The following ST3GAL1 variants were observed in gnomAD, a reference collection of about 807,000 sequenced individuals.
ST3GAL1 encodes the protein CMP-N-acetylneuraminate-beta-galactosamide-alpha-2,3-sialyltransferase 1.
ST3GAL1 carries 16 observed loss-of-function variants against 34.1 expected under a neutral mutation model. The observed-to-expected ratio is 0.47, with a 90% CI of 0.32 to 0.71. The LOEUF (loss-of-function observed/expected upper bound fraction) is 0.71. Ranked by LOEUF, ST3GAL1 falls within the 30% of genes least tolerant of loss-of-function variation. ST3GAL1 has a pLI of 0.04. For missense variants in ST3GAL1, 353 were observed against 447.4 expected, an observed-to-expected ratio of 0.79 and a Z score of 1.90; for synonymous variants, 191 against 184.7, an observed-to-expected ratio of 1.03 and a Z score of -0.28.
At chr8:133,524,174 G>C (rs751176988) in intron 2 of ST3GAL1, among the ~76,000 whole-genome samples, 1 of 152,142 alleles carries the variant, frequency 6.6e-6, no homozygotes, top group Non-Finnish European at 1.5e-5. Flanking sequence ...GCAAAGCCTG[G>C]AACAATAATT....
intron 5 of ST3GAL1, among the ~76,000 whole-genome samples, chr8:133,474,708 T>G (rs942230709): frequency 6.6e-6 from 1 of 152,108 alleles, no homozygotes; most frequent in African/African-American, 2.4e-5. Flanking sequence ...ACACCTGCAG[T>G]GCATGGTCCT....
chr8:133,546,546 T>C (rs1427655039), intron 1 of ST3GAL1, among the ~76,000 whole-genome samples: 1 of 150,444 alleles, frequency 6.6e-6, no homozygotes, highest in Non-Finnish European at 1.5e-5. Context: ...CAGGAGATGA[T>C]ATTTTTAGCT....
rs962784082 is a variant in ST3GAL1, at chr8:133,470,350, C to A, written c.307-4260G>T. Among the ~76,000 whole-genome samples the A allele has an allele frequency of 3.3e-5, 5 of 150,758 alleles. No homozygotes were observed. The East Asian group carries it at 9.8e-4, about 29-fold the overall frequency. ...AGGAGAATCACTTGAACCCAGGAGG[C>A]GGAGGTTGTGGTGAGCCGAGATCAC... is the stretch of plus-strand genomic sequence containing the variant. On this transcript the variant is annotated intron_variant, in intron 5 of 9. Coordinates refer to ENST00000522652, the MANE Select transcript of ST3GAL1 (RefSeq NM_173344.3).
At chr8:133,559,025 G>A (rs529547789) in intron 1 of ST3GAL1, among the ~76,000 whole-genome samples, 1 of 124,102 alleles carries the variant, frequency 8.1e-6, no homozygotes, top group African/African-American at 3.4e-5. Flanking sequence ...CAGGGCGATA[G>A]AGTGTGGTTT....
chr8:133,487,074 G>T (rs1816630510), intron 3 of ST3GAL1, among the ~76,000 whole-genome samples: 1 of 152,156 alleles, frequency 6.6e-6, no homozygotes, highest in Non-Finnish European at 1.5e-5. Context: ...CTCTCGAGTA[G>T]CTGGGACTAC....
chr8:133,557,948 C>T (rs1222828662), intron 1 of ST3GAL1, among the ~76,000 whole-genome samples: 1 of 152,076 alleles, frequency 6.6e-6, no homozygotes, highest in Non-Finnish European at 1.5e-5. Flanking sequence ...TGAGGTCCCC[C>T]TCATGGCTAA....
chr8:133,479,405 A>G (rs1334450256), intron 3 of ST3GAL1, among the ~76,000 whole-genome samples: 2 of 152,172 alleles, frequency 1.3e-5, no homozygotes, highest in Non-Finnish European at 2.9e-5. Flanking sequence ...GCCACAGTCA[A>G]GACTAAGTTT....
rs2130927768 is a variant in ST3GAL1, at chr8:133,467,690, C to T, written c.307-1600G>A. 6.6e-6 allele frequency among the ~76,000 whole-genome samples: 1 copy of T among 152,268 alleles called. No individual in the cohort carries two copies. The highest frequency in any genetic ancestry group is 2.4e-5 in the African/African-American group (1 of 41,558). On this transcript the variant is annotated intron_variant, in intron 5 of 9. Transcript: ENST00000522652. The surrounding 1 kb of genome is among the most constrained non-coding windows in gnomAD (Gnocchi z 4.2). ...TCCGGGCCCCAGGGGCAAGGGGTGGCTGGGAGAGGAAGGAGTGGCCAGCAG... is the reference window on the plus strand; with the variant it reads ...TCCGGGCCCCAGGGGCAAGGGGTGGTTGGGAGAGGAAGGAGTGGCCAGCAG...
chr8:133,470,819 C>T (rs1046055822), intron 5 of ST3GAL1, among the ~76,000 whole-genome samples: 6 of 152,122 alleles, frequency 3.9e-5, no homozygotes, highest in African/African-American at 7.2e-5. Flanking sequence ...GGCCCGAGAG[C>T]GGACATCTCC....
intron 1 of ST3GAL1, among the ~76,000 whole-genome samples, chr8:133,551,147 T>G (rs1192024182): frequency 1.3e-5 from 2 of 152,162 alleles, no homozygotes; most frequent in Non-Finnish European, 2.9e-5. Flanking sequence ...GGTGTGCCCC[T>G]AGGGGACACT....
Position 133,461,760 on chromosome 8 carries a change from G to T in ST3GAL1, c.849+115C>A. The stretch of plus-strand genomic sequence containing the variant: ...GTCCTGTCGTAGAGACAGGGAATCC[G>T]AGCTTCCGGAAGAGGCAGGCTAGGT... On this transcript the variant is annotated intron_variant, in intron 9 of 9. Transcript: ENST00000522652. The surrounding 1 kb of genome is among the most constrained non-coding windows in gnomAD (Gnocchi z 4.7). 6.8e-7 allele frequency: 1 copy of T among 1,461,222 alleles called. No homozygotes were observed. The highest frequency in any genetic ancestry group is 9.3e-7 in the Non-Finnish European group (1 of 1,071,276). 90.5% of individuals were successfully genotyped at this position (1,461,222 alleles called of 1,614,324 possible).
chr8:133,518,783 A>G (rs996527205), intron 2 of ST3GAL1, among the ~76,000 whole-genome samples: 34 of 152,292 alleles, frequency 2.2e-4, no homozygotes, highest in African/African-American at 6.7e-4. Context: ...ATTCTCAAGA[A>G]AAGTCTTCTA....
In ST3GAL1 at chr8:133,461,951, T is replaced by C; in HGVS notation, c.773A>G (p.Asn258Ser). The stretch of plus-strand genomic sequence containing the variant: ...GTATCGCCCGTGCCCTTGCAGCCAG[T>C]TGTCAAAGACATACTTGATGAAGGC... ...HPAFIKYVFD[N>S]WLQGHGRYPS... Residue 258 changes from asparagine to serine, a missense_variant, in exon 9 of 10, where the codon AAC becomes AGC. Physicochemically the swap from Asn to Ser is conservative, Grantham distance 46. Transcript: ENST00000522652. The surrounding 1 kb of genome is among the most constrained non-coding windows in gnomAD (Gnocchi z 4.7). 1 of 1,614,106 alleles carries C rather than the reference T, an allele frequency of 6.2e-7. No individual in the cohort carries two copies. The highest frequency in any genetic ancestry group is 8.5e-7 in the Non-Finnish European group (1 of 1,180,010).
At chr8:133,481,975 C>T (rs1816413865) in intron 3 of ST3GAL1, among the ~76,000 whole-genome samples, 1 of 151,996 alleles carries the variant, frequency 6.6e-6, no homozygotes, top group Non-Finnish European at 1.5e-5. Context: ...ACCTAGCAGT[C>T]CTGAACTCAC....
intron 5 of ST3GAL1, among the ~76,000 whole-genome samples, chr8:133,475,459 T>A (rs1018078685): frequency 8.5e-5 from 13 of 152,220 alleles, no homozygotes; most frequent in African/African-American, 3.1e-4. Flanking sequence ...GACTTAGATA[T>A]AATAGATCCT....
chr8:133,463,345 G>T (rs369983478), intron 8 of ST3GAL1, 69 bp downstream of exon 8: 31 of 1,575,156 alleles, frequency 2.0e-5, no homozygotes, highest in Non-Finnish European at 2.6e-5. Context: ...ACTCAATGCC[G>T]TACCTTAGAG....
chr8:133,565,113 G>GCTGTTGCA (rs1819351282), intron 1 of ST3GAL1, among the ~76,000 whole-genome samples: 1 of 151,510 alleles, frequency 6.6e-6, no homozygotes, highest in Admixed American at 6.6e-5. Context: ...CCCACCCCCA[G>GCTGTTGCA]CTGTTGCAGA....
intron 2 of ST3GAL1, among the ~76,000 whole-genome samples, chr8:133,542,029 A>G (rs531739942): frequency 1.0e-3 from 154 of 152,286 alleles, no homozygotes; most frequent in Admixed American, 1.8e-3. Context: ...GATCTGAATG[A>G]TGTGTGGATA....
At chr8:133,544,929 A>G (rs763202445) in intron 2 of ST3GAL1, among the ~76,000 whole-genome samples, 7 of 152,212 alleles carry the variant, frequency 4.6e-5, no homozygotes, top group Admixed American at 1.3e-4. Context: ...AGTGATGGCA[A>G]TCATGCCCAA....
Sources: allele counts gnomAD v4.1 joint callset (sites outside exome capture counted in the v4.1 genomes callset), GRCh38; gene constraint gnomAD v4.1.1; non-coding constraint Gnocchi (gnomAD v3.1); transcripts MANE v1.5; gene names NCBI Gene and HGNC (gene_info 2026-07-23, HGNC 2026-07-21).